The following WWOX variants were observed in gnomAD, a reference collection of about 807,000 sequenced individuals.
The protein encoded by WWOX is WW domain-containing oxidoreductase.
A neutral mutation model predicts 46.2 loss-of-function variants in WWOX; 69 were observed. The ratio of observed to expected loss-of-function variants is 1.49; its 90% CI spans 1.23 to 1.82. The LOEUF (loss-of-function observed/expected upper bound fraction) is 1.82. WWOX is among the 40% of genes most tolerant of loss of function. WWOX has a pLI of 0.00. For missense variants in WWOX, 919 were observed against 542.6 expected (o/e 1.69, Z -6.89); for synonymous variants, 359 against 202.6 (o/e 1.77, Z -6.56).
chr16:78,435,195 A>G (rs764090056), intron 8 of WWOX, among the ~76,000 whole-genome samples: 2 of 152,146 alleles, frequency 1.3e-5, no homozygotes, highest in African/African-American at 2.4e-5. Flanking sequence ...AGGGACTACC[A>G]TGTCGGGGAG....
intron 8 of WWOX, among the ~76,000 whole-genome samples, chr16:78,639,988 A>C (rs1307869144): frequency 6.6e-6 from 1 of 152,196 alleles, no homozygotes; most frequent in Non-Finnish European, 1.5e-5. Context: ...TTTGAATCCC[A>C]CACAGTGCTG....
chr16:78,334,840 A>G (rs1352449137), intron 5 of WWOX, among the ~76,000 whole-genome samples: 10 of 147,142 alleles, frequency 6.8e-5, no homozygotes, highest in South Asian at 2.1e-4. Flanking sequence ...ACATACACAC[A>G]CACACACACA....
At chr16:78,304,604 A>G (rs1423665073) in intron 5 of WWOX, among the ~76,000 whole-genome samples, 1 of 152,264 alleles carries the variant, frequency 6.6e-6, no homozygotes, top group Admixed American at 6.5e-5. Flanking sequence ...ATAAAGAGAT[A>G]TATACGCGTG....
intron 5 of WWOX, among the ~76,000 whole-genome samples, chr16:78,212,635 C>T (rs951452799): frequency 2.0e-5 from 3 of 152,110 alleles, no homozygotes; most frequent in Non-Finnish European, 2.9e-5. Context: ...ATTAGGTCCA[C>T]GAAAGAGGGT....
chr16:78,814,634 A>G (rs2051283786), intron 8 of WWOX, among the ~76,000 whole-genome samples: 2 of 152,186 alleles, frequency 1.3e-5, no homozygotes, highest in South Asian at 4.1e-4. Flanking sequence ...GTTCTTTTCT[A>G]TGGAATCATG....
At chr16:78,333,769 A>G (rs1399875566) in intron 5 of WWOX, among the ~76,000 whole-genome samples, 1 of 152,248 alleles carries the variant, frequency 6.6e-6, no homozygotes, top group African/African-American at 2.4e-5. Context: ...AACGTGACCC[A>G]AAGTTTTGGC....
chr16:78,549,627 C>T (rs138823432), intron 8 of WWOX, among the ~76,000 whole-genome samples: 3 of 152,140 alleles, frequency 2.0e-5, no homozygotes, highest in African/African-American at 7.2e-5. Context: ...GGAGATTAGG[C>T]TGCTAATCTG....
intron 8 of WWOX, among the ~76,000 whole-genome samples, chr16:78,876,528 A>G (rs961103428): frequency 9.2e-5 from 14 of 151,892 alleles, no homozygotes; most frequent in African/African-American, 2.9e-4. Flanking sequence ...GTGAATGTCA[A>G]AGAAGTTTCT....
intron 8 of WWOX, among the ~76,000 whole-genome samples, chr16:78,864,896 G>A (rs2043970256): frequency 6.6e-6 from 1 of 151,072 alleles, no homozygotes; most frequent in South Asian, 2.1e-4. Flanking sequence ...CCGAGTAGCT[G>A]GGACCACAGG....
At chr16:78,340,581 C>G (rs1567512177) in intron 5 of WWOX, among the ~76,000 whole-genome samples, 1 of 120,828 alleles carries the variant, frequency 8.3e-6, no homozygotes, top group African/African-American at 2.8e-5. Flanking sequence ...TTCAAAGTTA[C>G]TGCTGCCAAC....
chr16:78,136,705 AAC>A (rs1412554606), intron 4 of WWOX, among the ~76,000 whole-genome samples: 4 of 152,224 alleles, frequency 2.6e-5, no homozygotes, highest in Admixed American at 1.3e-4. Context: ...TCTATCAAAT[AAC>A]ACAGTTTCCC....
At chr16:78,919,894 A>T (rs984259469) in intron 8 of WWOX, among the ~76,000 whole-genome samples, 13 of 152,140 alleles carry the variant, frequency 8.5e-5, no homozygotes, top group Admixed American at 7.9e-4. Flanking sequence ...TGTACAGTTG[A>T]TTATAGATAT....
intron 8 of WWOX, among the ~76,000 whole-genome samples, chr16:79,051,883 C>T (rs934346607): frequency 6.6e-5 from 10 of 152,192 alleles, no homozygotes; most frequent in Non-Finnish European, 5.9e-5. Flanking sequence ...AAATATTTGC[C>T]CTGGCATGCT....
intron 8 of WWOX, among the ~76,000 whole-genome samples, chr16:78,927,544 T>A (rs1464398538): frequency 6.6e-6 from 1 of 152,184 alleles, no homozygotes; most frequent in Non-Finnish European, 1.5e-5. Context: ...GATAAATGGA[T>A]GTTAGTCATT....
At chr16:79,144,492 A>T (rs952626464) in intron 8 of WWOX, among the ~76,000 whole-genome samples, 1 of 152,166 alleles carries the variant, frequency 6.6e-6, no homozygotes, top group Non-Finnish European at 1.5e-5. Context: ...ACCTGGCTTC[A>T]CGCTTGCCTC....
intron 8 of WWOX, among the ~76,000 whole-genome samples, chr16:78,870,338 A>T (rs1262919437): frequency 1.3e-5 from 2 of 152,190 alleles, no homozygotes; most frequent in Non-Finnish European, 2.9e-5. Flanking sequence ...TAAGTTTTTC[A>T]AACTTTAGAA....
intron 8 of WWOX, among the ~76,000 whole-genome samples, chr16:78,986,988 C>A (rs1322870104): frequency 1.3e-5 from 2 of 151,952 alleles, no homozygotes; most frequent in Non-Finnish European, 2.9e-5. Context: ...AGTGCACTTA[C>A]CCACACGGAG....
At position 78,976,596 on chromosome 16, in the gene WWOX, G is replaced by A. The variant is rs554105017; in HGVS notation, c.1057-235012G>A. On this transcript the variant is annotated intron_variant, in intron 8 of 8. Transcript: ENST00000566780. ...GGATCTTGCAGCTGCGAAAAGCATG[G>A]CGTTGCGTTTCCAAGCCTGAACATC... Among the ~76,000 whole-genome samples the A allele has an allele frequency of 5.3e-5, 8 of 152,292 alleles. No individual in the cohort carries two copies. The South Asian group carries it at 1.7e-3, about 32-fold the overall frequency.
At chr16:79,006,001 G>A (rs2047182892) in intron 8 of WWOX, among the ~76,000 whole-genome samples, 1 of 152,172 alleles carries the variant, frequency 6.6e-6, no homozygotes. Flanking sequence ...TCCCCTCTCT[G>A]CAACCATTTG....
Sources: allele counts gnomAD v4.1 joint callset (sites outside exome capture counted in the v4.1 genomes callset), GRCh38; gene constraint gnomAD v4.1.1; transcripts MANE v1.5; gene names NCBI Gene and HGNC (gene_info 2026-07-23, HGNC 2026-07-21).